Variants in USP45 observed in about 807,000 individuals in gnomAD.
The protein encoded by USP45 is ubiquitin carboxyl-terminal hydrolase 45.
USP45 carries 89 observed loss-of-function variants against 95.8 expected under a neutral mutation model. The ratio of observed to expected loss-of-function variants is 0.93; its 90% CI spans 0.78 to 1.11. The LOEUF is 1.11. Among genes scored for constraint, USP45 ranks in the 50% least tolerant of loss-of-function variants. USP45 has a pLI of 0.00. For synonymous variants in USP45, 281 were observed against 316.2 expected (o/e 0.89, Z 1.18); for missense variants, 898 against 942.5 (o/e 0.95, Z 0.62).
intron 4 of USP45, among the ~76,000 whole-genome samples, chr6:99,506,907 A>G (rs752373924): frequency 6.6e-6 from 1 of 152,184 alleles, no homozygotes; most frequent in Non-Finnish European, 1.5e-5. Context: ...AAGGAAAATG[A>G]TAGAGAAAAG....
rs540955866 is a variant in USP45, at chr6:99,476,288, A to G, written c.846-58T>C. 4.6e-6 allele frequency: 7 copies of G among 1,506,548 alleles called. No homozygotes were observed. The Admixed American group carries it at 1.2e-4, about 26-fold the overall frequency. 93.3% of individuals were successfully genotyped at this position (1,506,548 alleles called of 1,614,324 possible). ...AAGAATAATCATTCCATGGTTCATC[A>G]ACACTCTTCTCTAAATGCACTTGAA... is the stretch of plus-strand genomic sequence containing the variant. On this transcript the variant is annotated intron_variant, in intron 8 of 17. Transcript: ENST00000500704.
chr6:99,472,992 G>A (rs1029825783), intron 9 of USP45, among the ~76,000 whole-genome samples: 5 of 151,718 alleles, frequency 3.3e-5, no homozygotes, highest in Non-Finnish European at 7.4e-5. Context: ...AGGGGACTAC[G>A]CTAATATCCT....
At chr6:99,501,837 C>A (rs564694050) in intron 5 of USP45, 3 of 1,145,306 alleles carry the variant, frequency 2.6e-6, no homozygotes, top group Non-Finnish European at 3.3e-6. Flanking sequence ...GCTTTTCTCC[C>A]CAGGTTCCTG....
rs183753733 is a variant in USP45, at chr6:99,452,337, A to G, written c.1309-5874T>C. ...AGAACTCAAACAAATTTACAAGAAA[A>G]AAACAACCCCATCAAAAAGTGGGCA... On this transcript the variant is annotated intron_variant, in intron 13 of 17. Coordinates refer to ENST00000500704, the MANE Select transcript of USP45 (RefSeq NM_001346022.3). Among the ~76,000 whole-genome samples the G allele has an allele frequency of 3.5e-3, 526 of 151,894 alleles. 2 individuals carry two copies. Among genetic ancestry groups the G allele is most frequent in the African/African-American group, 0.011 (440 of 41,498 alleles).
intron 5 of USP45, among the ~76,000 whole-genome samples, chr6:99,490,859 C>T (rs933010085): frequency 2.6e-5 from 4 of 152,118 alleles, no homozygotes; most frequent in African/African-American, 4.8e-5. Context: ...TGTGAGCCAC[C>T]GCGCCCAGCA....
rs1286164518 is a variant in USP45 at position 99,475,378 on chromosome 6, A to C, written c.933+765T>G. Among the ~76,000 whole-genome samples, 3 of 144,252 alleles carry C rather than the reference A, an allele frequency of 2.1e-5. No homozygotes were observed. In the Admixed American group the frequency reaches 2.2e-4, roughly 11 times the overall value. 94.6% of individuals were successfully genotyped at this position (144,252 alleles called of 152,430 possible). The stretch of plus-strand genomic sequence containing the variant: ...GTCACCCAGGCTGGAGTGCAGTGGC[A>C]CGATCTCGGCTCACTGCAACCTCCA... On this transcript the variant is annotated intron_variant, in intron 9 of 17. Transcript: ENST00000500704.
intron 13 of USP45, among the ~76,000 whole-genome samples, chr6:99,463,800 CAAAAAAAAAAA>C (rs398002416): frequency 0.044 from 3,686 of 84,446 alleles, 171 homozygotes; most frequent in African/African-American, 0.14. Flanking sequence ...GACTCCATCT[CAAAAAAAAAAA>C]AAAAAAAAAA....
chr6:99,479,646 T>C (rs1335964178), intron 8 of USP45, among the ~76,000 whole-genome samples: 1 of 147,310 alleles, frequency 6.8e-6, no homozygotes, highest in Non-Finnish European at 1.5e-5. Flanking sequence ...AAAAAGCATT[T>C]TTAAAAAATC....
At chr6:99,470,052 G>A (rs940876097) in intron 9 of USP45, among the ~76,000 whole-genome samples, 13 of 152,162 alleles carry the variant, frequency 8.5e-5, no homozygotes, top group African/African-American at 3.1e-4. Flanking sequence ...AAACACAAGA[G>A]AGGCAAAGGG....
intron 8 of USP45, among the ~76,000 whole-genome samples, chr6:99,477,206 T>C (rs1439534697): frequency 6.6e-6 from 1 of 152,250 alleles, no homozygotes; most frequent in Non-Finnish European, 1.5e-5. Context: ...ATATAAGTTC[T>C]ACTTTATGCT....
At chr6:99,481,785 T>C (rs539757508) in intron 8 of USP45, among the ~76,000 whole-genome samples, 4 of 152,334 alleles carry the variant, frequency 2.6e-5, no homozygotes, top group African/African-American at 9.6e-5. Context: ...TGTTCCTGCA[T>C]TAATTCACTT....
At chr6:99,451,516 C>T (rs1051622869) in intron 13 of USP45, among the ~76,000 whole-genome samples, 8 of 152,054 alleles carry the variant, frequency 5.3e-5, no homozygotes, top group Non-Finnish European at 8.8e-5. Context: ...AACCACTGCT[C>T]AACAAAATAA....
intron 16 of USP45, among the ~76,000 whole-genome samples, chr6:99,439,480 C>T (rs957855057): frequency 1.3e-5 from 2 of 152,142 alleles, no homozygotes; most frequent in East Asian, 3.8e-4. Context: ...GGACACAAAA[C>T]CTCCTTCTCT....
chr6:99,488,891 C>A, intron 5 of USP45, 71 bp from the exon 6 acceptor site: 1 of 1,156,086 alleles, frequency 8.6e-7, no homozygotes, highest in Non-Finnish European at 1.2e-6. Flanking sequence ...AATTTATATA[C>A]ATTATTTAAA....
At chr6:99,510,354 G>T in intron 1 of USP45, 124 bp from the exon 2 acceptor site, 1 of 622,388 alleles carries the variant, frequency 1.6e-6, no homozygotes. Flanking sequence ...AATCAACAGA[G>T]GAAGAAGAGG....
At chr6:99,479,250 G>A (rs1791711057) in intron 8 of USP45, among the ~76,000 whole-genome samples, 1 of 151,570 alleles carries the variant, frequency 6.6e-6, no homozygotes, top group Non-Finnish European at 1.5e-5. Flanking sequence ...TAGAGAGACA[G>A]GGGTGACAGG....
chr6:99,462,011 T>C, intron 13 of USP45: 2 of 984,020 alleles, frequency 2.0e-6, no homozygotes, highest in Non-Finnish European at 2.4e-6. Flanking sequence ...AATACATTTA[T>C]GTCATTTAAA....
intron 13 of USP45, chr6:99,461,268 G>A: frequency 2.0e-6 from 2 of 985,312 alleles, no homozygotes; most frequent in South Asian, 4.7e-5. Flanking sequence ...TCAGCATGAT[G>A]GTTTTTTAAA....
intron 10 of USP45, among the ~76,000 whole-genome samples, chr6:99,467,522 A>C (rs993750160): frequency 6.6e-6 from 1 of 151,994 alleles, no homozygotes; most frequent in South Asian, 2.1e-4. Context: ...AAAATCATTT[A>C]AAATATTAGA....
Sources: gnomAD v4.1 joint callset for allele counts (sites outside exome capture counted in the v4.1 genomes callset) on GRCh38, gnomAD v4.1.1 for gene constraint, MANE v1.5 for transcripts, NCBI Gene and HGNC (gene_info 2026-07-23, HGNC 2026-07-21) for gene names.